The following ADGRD1 variants were observed in gnomAD, a reference collection of about 807,000 sequenced individuals.
ADGRD1 encodes adhesion G protein-coupled receptor D1.
ADGRD1 carries 77 observed loss-of-function variants against 113.4 expected under a neutral mutation model. The ratio of observed to expected loss-of-function variants is 0.68; its 90% CI spans 0.57 to 0.82. ADGRD1 has a LOEUF of 0.82. ADGRD1 is among the 40% of genes least tolerant of loss of function. The pLI is 0.00. For missense variants in ADGRD1, 1,036 were observed against 1,139.1 expected (o/e 0.91, Z 1.30); for synonymous variants, 474 against 475.0 (o/e 1.00, Z 0.03).
chr12:131,027,529 T>A lies in ADGRD1; in HGVS notation c.1473+13189T>A, dbSNP rs1024268555. 2 of 152,262 alleles carry A rather than the reference T, an allele frequency of 1.3e-5. No homozygotes were observed. The highest frequency in any genetic ancestry group is 4.8e-5 in the African/African-American group (2 of 41,468). 9.4% of individuals were successfully genotyped at this position (152,262 alleles called of 1,614,324 possible). Reference sequence around the variant, plus strand: ...TGTAATGAATCTTCTGTGTTCTTGCTGGGTTATCTCTGTAGGATGAATTCT... The same window carrying A: ...TGTAATGAATCTTCTGTGTTCTTGCAGGGTTATCTCTGTAGGATGAATTCT... On this transcript the variant is annotated intron_variant, in intron 13 of 24. Coordinates refer to ENST00000261654, the MANE Select transcript of ADGRD1 (RefSeq NM_198827.5). The surrounding 1 kb of genome is among the most constrained non-coding windows in gnomAD (Gnocchi z 5.1).
intron 13 of ADGRD1, among the ~76,000 whole-genome samples, chr12:131,044,948 C>G (rs747270954): frequency 1.3e-5 from 2 of 152,266 alleles, no homozygotes; most frequent in Non-Finnish European, 1.5e-5. Context: ...GCTCTGTTAC[C>G]GATGTTCAGG....
intron 15 of ADGRD1, among the ~76,000 whole-genome samples, chr12:131,099,899 G>C (rs1396689794): frequency 1.3e-5 from 2 of 152,152 alleles, no homozygotes; most frequent in African/African-American, 4.8e-5. Flanking sequence ...GGCTTTGGGT[G>C]GGTTTGATAA....
At position 131,037,504 on chromosome 12, in the gene ADGRD1, T is replaced by TTGCACTGGGTCTCACTCAC. The variant is rs1566053423; in HGVS notation, c.1473+23166_1473+23184dup. Among the ~76,000 whole-genome samples, 5 of 67,760 alleles carry TTGCACTGGGTCTCACTCAC rather than the reference T, an allele frequency of 7.4e-5. No homozygotes were observed. In the East Asian group the frequency reaches 2.3e-3, roughly 32 times the overall value. 44.5% of individuals were successfully genotyped at this position (67,760 alleles called of 152,430 possible). A position where few individuals can be genotyped will look rare whatever the true frequency, so the allele number is the denominator to read the frequency against. On this transcript the variant is annotated intron_variant, in intron 13 of 24. Transcript: ENST00000261654. ...CACTCACTGCACTGGGTCTTACTCA[T>TTGCACTGGGTCTCACTCAC]TGCACTGGGTCTCACTCACTACACC...
intron 13 of ADGRD1, among the ~76,000 whole-genome samples, chr12:131,064,273 C>T (rs934263825): frequency 2.6e-5 from 4 of 152,170 alleles, no homozygotes; most frequent in Non-Finnish European, 4.4e-5. Flanking sequence ...ATTCTGTCTT[C>T]GACTAATAAG....
intron 14 of ADGRD1, among the ~76,000 whole-genome samples, chr12:131,082,012 C>T (rs573658198): frequency 6.6e-6 from 1 of 152,170 alleles, no homozygotes; most frequent in South Asian, 2.1e-4. Context: ...TGATCTTTAC[C>T]TCTTATCCTG....
rs1887291979 is a variant in ADGRD1, at chr12:131,096,535, G to A, written c.1672-8296G>A. Among the ~76,000 whole-genome samples, 1 of 152,228 alleles carries A rather than the reference G, an allele frequency of 6.6e-6. No individual in the cohort carries two copies. The highest frequency in any genetic ancestry group is 1.5e-5 in the Non-Finnish European group (1 of 68,042). On this transcript the variant is annotated intron_variant, in intron 15 of 24. Coordinates refer to ENST00000261654, the MANE Select transcript of ADGRD1 (RefSeq NM_198827.5). This position sits in a 1 kb window ranked among gnomAD's most constrained non-coding sequence, Gnocchi z 5.2. ...TCCCGCGGGTGGACACTGAAGTCAT[G>A]GTGGTCTTTGGCCGCAGCAAATAAC...
chr12:131,058,141 C>G (rs2137073442), intron 13 of ADGRD1, among the ~76,000 whole-genome samples: 1 of 152,272 alleles, frequency 6.6e-6, no homozygotes, highest in African/African-American at 2.4e-5. Context: ...TGGCCTTGCC[C>G]TCCCCATGAG....
chr12:130,997,757 C>T (rs949971910), intron 8 of ADGRD1, among the ~76,000 whole-genome samples: 14 of 146,892 alleles, frequency 9.5e-5, no homozygotes, highest in South Asian at 2.2e-4. Flanking sequence ...ACATCCCAGA[C>T]GATGGGCGGC....
At chr12:131,032,547 G>T (rs1439604644) in intron 13 of ADGRD1, among the ~76,000 whole-genome samples, 2 of 152,222 alleles carry the variant, frequency 1.3e-5, no homozygotes, top group East Asian at 3.9e-4. Context: ...TCTTAGGACA[G>T]CAGTGAGCGG....
intron 3 of ADGRD1, chr12:130,968,169 A>C (rs1871226936): frequency 6.6e-6 from 1 of 152,260 alleles, no homozygotes; most frequent in African/African-American, 2.4e-5. Flanking sequence ...GGCTTAAATC[A>C]GTAACTCTTG....
At chr12:130,968,014 C>A (rs1287872009) in intron 3 of ADGRD1, 1 of 152,188 alleles carries the variant, frequency 6.6e-6, no homozygotes, top group Non-Finnish European at 1.5e-5. Flanking sequence ...GAAAGGGGGT[C>A]ATTTCACCAA....
rs1566038835 is a variant in ADGRD1, at chr12:131,022,880, A to ACC, written c.1473+8540_1473+8541insCC. On this transcript the variant is annotated intron_variant, in intron 13 of 24. Coordinates refer to ENST00000261654, the MANE Select transcript of ADGRD1 (RefSeq NM_198827.5). The surrounding 1 kb of genome is among the most constrained non-coding windows in gnomAD (Gnocchi z 4.6). ...TGTGTGTGCTCTCAGAAGCACACGC[A>ACC]TGCACCTGCATCTTCCTGCATTTTT... 8.4e-4 allele frequency: 127 copies of ACC among 151,188 alleles called. No homozygotes were observed. The highest frequency in any genetic ancestry group is 2.9e-3 in the African/African-American group (118 of 41,194). The allele number at this position is 151,188 out of a possible 1,614,324, so 9.4% of individuals were successfully genotyped here. A position where few individuals can be genotyped will look rare whatever the true frequency, so the allele number is the denominator to read the frequency against.
rs542303027 is a variant in ADGRD1 at position 131,003,969 on chromosome 12, G to A, written c.1145-217G>A. On this transcript the variant is annotated intron_variant, in intron 10 of 24. Transcript: ENST00000261654. This position sits in a 1 kb window ranked among gnomAD's most constrained non-coding sequence, Gnocchi z 4.8. ...GTGAGGAGCCGCGCGCCCGTGGGCC[G>A]GAATGCTGAGCCTCCCCGTGGCAGT... 1.3e-5 allele frequency among the ~76,000 whole-genome samples: 2 copies of A among 152,158 alleles called. No homozygotes were observed. The highest frequency in any genetic ancestry group is 4.8e-5 in the African/African-American group (2 of 41,514).
At chr12:131,111,217 T>G (rs1950340858) in intron 18 of ADGRD1, among the ~76,000 whole-genome samples, 1 of 152,128 alleles carries the variant, frequency 6.6e-6, no homozygotes, top group African/African-American at 2.4e-5. Flanking sequence ...CTCACCCTCT[T>G]GAGTAGCTGG....
At chr12:131,116,308 G>A (rs1207312792) in intron 18 of ADGRD1, among the ~76,000 whole-genome samples, 4 of 152,196 alleles carry the variant, frequency 2.6e-5, no homozygotes, top group Non-Finnish European at 5.9e-5. Context: ...GGCCCCAACT[G>A]TGCGCCTCTT....
At chr12:131,058,026 A>G (rs1236255244) in intron 13 of ADGRD1, among the ~76,000 whole-genome samples, 2 of 152,242 alleles carry the variant, frequency 1.3e-5, no homozygotes, top group Non-Finnish European at 2.9e-5. Context: ...AAGTATTAAG[A>G]GAAGCAGACA....
intron 5 of ADGRD1, chr12:130,986,799 T>G (rs1289023153): frequency 2.7e-6 from 1 of 364,996 alleles, no homozygotes; most frequent in Non-Finnish European, 5.0e-6. Flanking sequence ...TTTTCAAATA[T>G]TTTAATCACA....
chr12:131,030,899 G>C (rs1028193448), intron 13 of ADGRD1: 2 of 152,374 alleles, frequency 1.3e-5, no homozygotes, highest in African/African-American at 2.4e-5. Flanking sequence ...CGCATCTGCA[G>C]CCTGTTGTTC....
intron 9 of ADGRD1, chr12:131,002,607 GCTTT>G: frequency 9.4e-7 from 1 of 1,062,068 alleles, no homozygotes; most frequent in Non-Finnish European, 1.1e-6. Flanking sequence ...AGGGCCCCCT[GCTTT>G]CTTGGGGGCA....
Sources: allele counts gnomAD v4.1 joint callset (sites outside exome capture counted in the v4.1 genomes callset), GRCh38; gene constraint gnomAD v4.1.1; non-coding constraint Gnocchi (gnomAD v3.1); transcripts MANE v1.5; gene names NCBI Gene and HGNC (gene_info 2026-07-23, HGNC 2026-07-21).